Variants in PCM1 observed in about 807,000 individuals in gnomAD.
PCM1 encodes the protein pericentriolar material 1, also known as pericentriolar material 1 protein.
Under a neutral mutation model 241.9 loss-of-function variants are expected in PCM1, and 157 were observed. That is an observed-to-expected ratio of 0.65 (90% CI 0.57 to 0.74). The LOEUF is 0.74. PCM1 is among the 30% of genes least tolerant of loss of function. PCM1 has a pLI of 0.00. For synonymous variants in PCM1, 1,085 were observed against 784.9 expected, an observed-to-expected ratio of 1.38 and a Z score of -6.39; for missense variants, 3,478 against 2,360.1, an observed-to-expected ratio of 1.47 and a Z score of -9.81.
intron 29 of PCM1, among the ~76,000 whole-genome samples, chr8:17,996,009 G>C (rs183644751): frequency 1.3e-5 from 2 of 152,156 alleles, no homozygotes; most frequent in Admixed American, 1.3e-4. Flanking sequence ...TTCCTTTCCA[G>C]TTTGGATCCC....
chr8:18,024,840 G>A (rs965724163), intron 36 of PCM1: 4 of 152,220 alleles, frequency 2.6e-5, no homozygotes, highest in Non-Finnish European at 5.9e-5. Flanking sequence ...TGGATAATTG[G>A]TAGAATTATG....
In PCM1 at chr8:17,991,549, C is replaced by T. The variant is rs772235156; in HGVS notation, c.4539C>T (p.Thr1513=). ...TTTTTGTTCCAAATGTAGGTAACAC[C>T]GTGATTCACTTAGATCAAGCATTAG... ...EPFATDDLGN[T]VIHLDQALAR... The change falls in exon 28 of 39, where the codon ACC becomes ACT. Residue 1513 remains threonine (T), a synonymous_variant. Transcript: ENST00000325083. 7.3e-5 allele frequency: 117 copies of T among 1,597,952 alleles called. No individual in the cohort carries two copies. The highest frequency in any genetic ancestry group is 9.1e-5 in the Non-Finnish European group (107 of 1,171,552).
chr8:17,959,121 T>A (rs2070341455), intron 13 of PCM1, among the ~76,000 whole-genome samples: 1 of 152,114 alleles, frequency 6.6e-6, no homozygotes, highest in Admixed American at 6.5e-5. Flanking sequence ...CACCTATTTT[T>A]AAAAAAATAC....
rs1245555429 is a variant in PCM1, at chr8:17,962,100, A to G, written c.2389A>G (p.Thr797Ala). The change falls in exon 16 of 39, where the codon ACT (threonine) becomes GCT (alanine). Residue 797 changes from threonine (T) to alanine (A), a missense_variant. Thr to Ala is a moderately conservative substitution (Grantham distance 58). Transcript: ENST00000325083. The stretch of plus-strand genomic sequence containing the variant: ...TATGCCAGCTGTTACTTCAACCCCA[A>G]CTGTTAATCAACACGAGACCAGTAC... ...KYMPAVTSTP[T>A]VNQHETSTSK... The G allele has an allele frequency of 1.2e-6, 2 of 1,611,738 alleles. No individual in the cohort carries two copies. Among genetic ancestry groups the G allele is most frequent in the Non-Finnish European group, 1.7e-6 (2 of 1,178,542 alleles).
intron 1 of PCM1, among the ~76,000 whole-genome samples, chr8:17,923,909 G>C (rs1247750665): frequency 6.6e-6 from 1 of 152,172 alleles, no homozygotes; most frequent in African/African-American, 2.4e-5. Context: ...CTGGCGTTTG[G>C]GGATTAGGCC....
chr8:17,933,078 C>G (rs925361369), intron 2 of PCM1, among the ~76,000 whole-genome samples: 9 of 152,152 alleles, frequency 5.9e-5, no homozygotes, highest in African/African-American at 1.9e-4. Flanking sequence ...GTATCTTTTT[C>G]AAATCTGTTA....
intron 27 of PCM1, among the ~76,000 whole-genome samples, chr8:17,990,424 A>C (rs1366136032): frequency 6.6e-6 from 1 of 151,576 alleles, no homozygotes; most frequent in Non-Finnish European, 1.5e-5. Context: ...CCTGTAGTGA[A>C]AACCTCAAGT....
Position 18,025,556 on chromosome 8 carries a change from A to T in PCM1, c.5947A>T (p.Lys1983Ter). ...LTIYSEADLR[K>*]KMVEEEQKNH... is the part of the protein sequence containing the mutation. ...TTTCATTCCAAAGGCAGATCTAAGA[A>T]AGAAAATGGTAGAAGAAGAACAGAA... Residue 1983 changes from lysine (K) to a stop codon, truncating the protein, a stop_gained, in exon 38 of 39, where the codon AAG becomes TAG. Transcript: ENST00000325083. LOFTEE classifies it high-confidence loss of function. The T allele has an allele frequency of 6.3e-7, 1 of 1,580,934 alleles. No individual in the cohort carries two copies. The highest frequency in any genetic ancestry group is 8.6e-7 in the Non-Finnish European group (1 of 1,161,526).
rs933641170 is a variant in PCM1, at chr8:17,959,704, G to A, written c.2041-310G>A. 1.2e-4 allele frequency among the ~76,000 whole-genome samples: 18 copies of A among 152,050 alleles called. 1 individual carries two copies. In the South Asian group the frequency reaches 3.5e-3, roughly 30 times the overall value. On this transcript the variant is annotated intron_variant, in intron 13 of 38. Coordinates refer to ENST00000325083, the MANE Select transcript of PCM1 (RefSeq NM_006197.4). ...TTTAAGCAGTGGTATGTGAGAGTTC[G>A]TTTCTCCACACCCTTGATTGTGTTT...
intron 36 of PCM1, chr8:18,015,766 A>G (rs2129486557): frequency 6.6e-6 from 1 of 152,324 alleles, no homozygotes; most frequent in Non-Finnish European, 1.5e-5. Flanking sequence ...CTCTGGAAGC[A>G]TCGAGGAACC....
At chr8:17,984,788 G>A (rs2129476615) in intron 24 of PCM1, among the ~76,000 whole-genome samples, 1 of 152,028 alleles carries the variant, frequency 6.6e-6, no homozygotes, top group African/African-American at 2.4e-5. Flanking sequence ...ATAATAGAGT[G>A]ATGCCTAGAT....
At chr8:17,936,306 G>T (rs1375897281) in intron 3 of PCM1, among the ~76,000 whole-genome samples, 1 of 152,118 alleles carries the variant, frequency 6.6e-6, no homozygotes, top group Non-Finnish European at 1.5e-5. Context: ...TTCACTCATA[G>T]ATTGGGTGGA....
At position 17,950,678 on chromosome 8, in the gene PCM1, T is replaced by G. The variant is rs1192827209; in HGVS notation, c.1025T>G (p.Leu342Trp). The change falls in exon 8 of 39, where the codon TTG becomes TGG. Residue 342 changes from leucine to tryptophan, a missense_variant. By Grantham distance (61) the Leu-to-Trp change is moderately conservative. Coordinates refer to ENST00000325083, the MANE Select transcript of PCM1 (RefSeq NM_006197.4). ...VSITSELNEE[L>W]NDLIQRFHNQ... ...ATCACATCTGAACTAAATGAAGAAT[T>G]GAATGACTTAATTCAGCGTTTTCAT... 6.2e-7 allele frequency: 1 copy of G among 1,605,088 alleles called. No individual in the cohort carries two copies. Among genetic ancestry groups the G allele is most frequent in the Non-Finnish European group, 8.5e-7 (1 of 1,174,750 alleles).
chr8:17,981,177 A>AAC (rs2080641419), intron 24 of PCM1, among the ~76,000 whole-genome samples: 1 of 152,150 alleles, frequency 6.6e-6, no homozygotes, highest in Admixed American at 6.5e-5. Context: ...CTCATTTCTC[A>AAC]ACACACTCTG....
At chr8:17,938,699 A>C in intron 4 of PCM1, 41 bp from the exon 5 acceptor site, 1 of 1,518,634 alleles carries the variant, frequency 6.6e-7, no homozygotes, top group South Asian at 1.2e-5. Flanking sequence ...TTTTGTCATA[A>C]GGTTAATGTT....
At chr8:17,998,534 T>C (rs2087868501) in intron 29 of PCM1, among the ~76,000 whole-genome samples, 1 of 152,216 alleles carries the variant, frequency 6.6e-6, no homozygotes, top group African/African-American at 2.4e-5. Context: ...TGTGTTGAAA[T>C]GCCTGGAGCT....
At chr8:17,953,471 A>T (rs1433242116) in intron 9 of PCM1, among the ~76,000 whole-genome samples, 1 of 152,184 alleles carries the variant, frequency 6.6e-6, no homozygotes, top group African/African-American at 2.4e-5. Context: ...CAACTGTTTG[A>T]TACGTGGACA....
chr8:17,995,767 G>C (rs1266945566), intron 29 of PCM1, among the ~76,000 whole-genome samples: 1 of 151,890 alleles, frequency 6.6e-6, no homozygotes, highest in African/African-American at 2.4e-5. Flanking sequence ...TTTCATTGTA[G>C]AGATCTTTCA....
At chr8:17,967,207 C>G (rs767898462) in intron 21 of PCM1, 37 bp downstream of exon 21, 11 of 1,458,660 alleles carry the variant, frequency 7.5e-6, no homozygotes, top group African/African-American at 4.2e-5. Context: ...TAAATAAAAG[C>G]AAAGTGTTTG....
Sources: allele counts gnomAD v4.1 joint callset (sites outside exome capture counted in the v4.1 genomes callset), GRCh38; gene constraint gnomAD v4.1.1; transcripts MANE v1.5; gene names NCBI Gene and HGNC (gene_info 2026-07-23, HGNC 2026-07-21).